DOCK7: variants seen among roughly 807,000 people sequenced by gnomAD.
DOCK7 encodes dedicator of cytokinesis protein 7.
Under a neutral mutation model 271.0 loss-of-function variants are expected in DOCK7, and 138 were observed. The observed-to-expected ratio is 0.51, with a 90% CI of 0.44 to 0.59. The LOEUF (loss-of-function observed/expected upper bound fraction) is 0.59, where lower values mean the gene tolerates loss of function less well. Ranked by LOEUF, DOCK7 falls within the 20% of genes least tolerant of loss-of-function variation. The probability of loss-of-function intolerance (pLI) is 0.00; values close to 1 mark genes in which losing one functional copy is unlikely to be tolerated. For synonymous variants in DOCK7, 823 were observed against 876.1 expected, an observed-to-expected ratio of 0.94 and a Z score of 1.07; for missense variants, 2,066 against 2,592.4, an observed-to-expected ratio of 0.80 and a Z score of 4.41.
intron 31 of DOCK7, among the ~76,000 whole-genome samples, chr1:62,526,763 A>T (rs527826265): frequency 6.6e-6 from 1 of 152,336 alleles, no homozygotes; most frequent in Non-Finnish European, 1.5e-5. Flanking sequence ...AGAAGTATTG[A>T]TACATACACG....
intron 31 of DOCK7, among the ~76,000 whole-genome samples, chr1:62,527,645 G>GC (rs1397957918): frequency 1.3e-5 from 2 of 149,614 alleles, no homozygotes; most frequent in African/African-American, 4.9e-5. Context: ...ACCAAACACC[G>GC]CATGTTCTCA....
At chr1:62,575,416 G>A (rs1248563869) in intron 18 of DOCK7, among the ~76,000 whole-genome samples, 1 of 152,068 alleles carries the variant, frequency 6.6e-6, no homozygotes, top group Non-Finnish European at 1.5e-5. Context: ...TCTACTTAGT[G>A]ATAGTAAATA....
At chr1:62,518,671 C>T (rs1383908352) in intron 31 of DOCK7, among the ~76,000 whole-genome samples, 1 of 151,654 alleles carries the variant, frequency 6.6e-6, no homozygotes, top group Non-Finnish European at 1.5e-5. Flanking sequence ...ACCTGGGAGG[C>T]AGAGCCTGCA....
At chr1:62,568,284 C>T (rs1312316770) in intron 18 of DOCK7, among the ~76,000 whole-genome samples, 1 of 151,888 alleles carries the variant, frequency 6.6e-6, no homozygotes, top group Non-Finnish European at 1.5e-5. Context: ...ACTAAAATGC[C>T]CACATTAAAA....
intron 3 of DOCK7, 94 bp from the exon 4 acceptor site, chr1:62,653,887 A>C: frequency 6.7e-7 from 1 of 1,498,674 alleles, no homozygotes; most frequent in East Asian, 2.3e-5. Flanking sequence ...CGTAACAGGA[A>C]ATGATGATGC....
chr1:62,587,152 T>TTAGG (rs1393479589), intron 14 of DOCK7, among the ~76,000 whole-genome samples: 1 of 151,260 alleles, frequency 6.6e-6, no homozygotes, highest in Non-Finnish European at 1.5e-5. Flanking sequence ...TATAATAGAG[T>TTAGG]TAGGTAGTTA....
chr1:62,457,170 CTT>C (rs1645370875), intron 49 of DOCK7, among the ~76,000 whole-genome samples: 2 of 152,260 alleles, frequency 1.3e-5, no homozygotes, highest in South Asian at 2.1e-4. Context: ...AATGACAAGA[CTT>C]TGTGTGGTGT....
At chr1:62,635,620 T>A (rs1655169405) in intron 8 of DOCK7, 1 of 151,704 alleles carries the variant, frequency 6.6e-6, no homozygotes, top group African/African-American at 2.4e-5. Flanking sequence ...TTTAAAAAAA[T>A]TTATGAATAA....
chr1:62,579,961 G>A (rs1647065031), intron 16 of DOCK7, among the ~76,000 whole-genome samples: 1 of 152,150 alleles, frequency 6.6e-6, no homozygotes, highest in East Asian at 1.9e-4. Context: ...AATATTCATT[G>A]AGAATAATCC....
intron 14 of DOCK7, among the ~76,000 whole-genome samples, chr1:62,614,239 A>G (rs1222951511): frequency 1.3e-5 from 2 of 152,102 alleles, no homozygotes; most frequent in African/African-American, 4.8e-5. Flanking sequence ...TTTGTATATT[A>G]GCTGTCAGCT....
intron 7 of DOCK7, among the ~76,000 whole-genome samples, chr1:62,638,783 A>C (rs1324494310): frequency 6.6e-6 from 1 of 151,534 alleles, no homozygotes; most frequent in Non-Finnish European, 1.5e-5. Flanking sequence ...CAAAGAGAGG[A>C]AAGCAGGGGG....
rs149682690 is a variant in DOCK7, at chr1:62,558,290, C to T, written c.2431+699G>A. ...TCCTATTCATCTTTAAATACTCAAC[C>T]CAGGAATTATTTCTACTTATAAATC... is the stretch of plus-strand genomic sequence containing the variant. On this transcript the variant is annotated intron_variant, in intron 20 of 49. Coordinates refer to ENST00000635253, the MANE Select transcript of DOCK7 (RefSeq NM_001367561.1). Among the ~76,000 whole-genome samples, 276 of 152,080 alleles carry T rather than the reference C, an allele frequency of 1.8e-3. 1 individual carries two copies. The highest frequency in any genetic ancestry group is 6.5e-3 in the African/African-American group (268 of 41,520).
intron 7 of DOCK7, among the ~76,000 whole-genome samples, chr1:62,637,152 T>C (rs796410184): frequency 5.9e-5 from 9 of 152,350 alleles, no homozygotes; most frequent in African/African-American, 2.2e-4. Flanking sequence ...ACATAATTTG[T>C]AGTCTGCTTT....
In DOCK7 at chr1:62,528,285, T is replaced by C. The variant is rs1309844280; in HGVS notation, c.3802A>G (p.Arg1268Gly). Residue 1268 changes from arginine (R) to glycine (G), a missense_variant, in exon 31 of 50, where the codon AGA becomes GGA. Arg to Gly is a moderately radical substitution (Grantham distance 125). This residue lies in a region of DOCK7 where 1,414 missense variants were observed against 1,670.4 expected (regional missense o/e 0.85). Transcript: ENST00000635253. ...TCATCAGTGGCTATACAAATTGGTC[T>C]TCCTCGTTGATTGTGAGTTTCTAAA... is the stretch of plus-strand genomic sequence containing the variant. ...DFTETHNQRG[R>G]PICIATDDYE... The C allele has an allele frequency of 1.2e-6, 2 of 1,611,484 alleles. No individual in the cohort carries two copies. Among genetic ancestry groups the C allele is most frequent in the Non-Finnish European group, 1.7e-6 (2 of 1,178,916 alleles).
At chr1:62,457,048 T>C (rs1320407137) in intron 49 of DOCK7, among the ~76,000 whole-genome samples, 1 of 152,200 alleles carries the variant, frequency 6.6e-6, no homozygotes, top group Non-Finnish European at 1.5e-5. Context: ...TAATGTCATT[T>C]AATCTCCACA....
intron 19 of DOCK7, among the ~76,000 whole-genome samples, chr1:62,560,868 C>T (rs1037286093): frequency 6.6e-6 from 1 of 152,166 alleles, no homozygotes; most frequent in Non-Finnish European, 1.5e-5. Context: ...TACACTTTCC[C>T]ATATTACACT....
At chr1:62,671,727 T>C (rs1660027145) in intron 1 of DOCK7, among the ~76,000 whole-genome samples, 1 of 152,194 alleles carries the variant, frequency 6.6e-6, no homozygotes, top group South Asian at 2.1e-4. Flanking sequence ...ATTATCATCT[T>C]TGTAATCTGG....
At chr1:62,501,112 C>A (rs1413194832) in intron 37 of DOCK7, among the ~76,000 whole-genome samples, 1 of 152,108 alleles carries the variant, frequency 6.6e-6, no homozygotes, top group African/African-American at 2.4e-5. Flanking sequence ...CTTTGGAAGG[C>A]CGTGCAGGGA....
chr1:62,682,394 G>A (rs1251735006), intron 1 of DOCK7, among the ~76,000 whole-genome samples: 1 of 152,184 alleles, frequency 6.6e-6, no homozygotes, highest in Non-Finnish European at 1.5e-5. Flanking sequence ...ACGCAGCTTG[G>A]TGGCATTCAT....
Sources: gnomAD v4.1 joint callset for allele counts (sites outside exome capture counted in the v4.1 genomes callset) on GRCh38, gnomAD v4.1.1 for gene constraint, gnomAD v4.1.1 regional missense constraint, MANE v1.5 for transcripts, NCBI Gene and HGNC (gene_info 2026-07-23, HGNC 2026-07-21) for gene names.